The following BACH1 variants were observed in gnomAD, a reference collection of about 807,000 sequenced individuals.
The protein encoded by BACH1 is transcription regulator protein BACH1.
In BACH1, 35 loss-of-function variants were observed where a neutral mutation model predicts 52.9. That is an observed-to-expected ratio of 0.66 (90% CI 0.51 to 0.88). The LOEUF (loss-of-function observed/expected upper bound fraction) is 0.88. BACH1 is among the 40% of genes least tolerant of loss of function. The probability of loss-of-function intolerance (pLI) is 0.00; values close to 1 mark genes in which losing one functional copy is unlikely to be tolerated. For missense variants in BACH1, 808 were observed against 872.6 expected, an observed-to-expected ratio of 0.93 and a Z score of 0.93; for synonymous variants, 321 against 319.6, an observed-to-expected ratio of 1.00 and a Z score of -0.05.
intron 2 of BACH1, among the ~76,000 whole-genome samples, chr21:29,358,792 A>C (rs534175383): frequency 3.8e-5 from 5 of 130,048 alleles, no homozygotes; most frequent in Non-Finnish European, 7.3e-5. Flanking sequence ...GAAAGAAAGA[A>C]AGAAAGAAAG....
intron 2 of BACH1, among the ~76,000 whole-genome samples, chr21:29,353,619 A>T (rs1011487749): frequency 6.6e-6 from 1 of 152,186 alleles, no homozygotes; most frequent in African/African-American, 2.4e-5. Flanking sequence ...TGAAAAGACT[A>T]AGAAGAGTTT....
At position 29,344,328 on chromosome 21, in the gene BACH1, A is replaced by C. The variant is rs1183465728; in HGVS notation, c.*1495A>C. ...AGCCTAGTGCAGGGCTTGTCTAGCT[A>C]ATGTGGGCAGCCACCACCCACTGTG... is the stretch of plus-strand genomic sequence containing the variant. On this transcript the variant is annotated 3_prime_UTR_variant, in exon 5 of 5. Transcript: ENST00000286800. 3 of 152,680 alleles carry C rather than the reference A, an allele frequency of 2.0e-5. No homozygotes were observed. Among genetic ancestry groups the C allele is most frequent in the African/African-American group, 7.2e-5 (3 of 41,464 alleles). 9.5% of individuals were successfully genotyped at this position (152,680 alleles called of 1,614,324 possible).
chr21:29,331,372 AAAT>A (rs1469697200), intron 4 of BACH1, among the ~76,000 whole-genome samples: 1 of 151,936 alleles, frequency 6.6e-6, no homozygotes, highest in Non-Finnish European at 1.5e-5. Context: ...CTAAAAATAA[AAAT>A]AAAAGCGAAA....
At chr21:29,327,432 C>A in intron 3 of BACH1, 39 bp downstream of exon 3, 1 of 1,574,366 alleles carries the variant, frequency 6.4e-7, no homozygotes, top group African/African-American at 1.4e-5. Flanking sequence ...GTTTTAATAA[C>A]CATTAATTGG....
chr21:29,352,861 G>A (rs1034287561), intron 2 of BACH1, among the ~76,000 whole-genome samples: 22 of 151,926 alleles, frequency 1.4e-4, no homozygotes, highest in African/African-American at 4.4e-4. Context: ...ACAGGTGCTC[G>A]CCACCACACC....
intron 1 of BACH1, among the ~76,000 whole-genome samples, chr21:29,308,516 C>A (rs932594734): frequency 6.6e-6 from 1 of 152,102 alleles, no homozygotes; most frequent in African/African-American, 2.4e-5. Flanking sequence ...CACCCTCACC[C>A]CCCTTTTTGA....
chr21:29,351,014 C>T (rs79713106), downstream of BACH1, among the ~76,000 whole-genome samples: 687 of 152,266 alleles, frequency 4.5e-3, 5 homozygotes, highest in African/African-American at 0.016. Flanking sequence ...TCCTCTTCCT[C>T]ATCTTATTCT....
At chr21:29,303,082 C>G (rs923112936) in intron 1 of BACH1, among the ~76,000 whole-genome samples, 4 of 152,194 alleles carry the variant, frequency 2.6e-5, no homozygotes, top group Non-Finnish European at 2.9e-5. Flanking sequence ...CAGAACAGAA[C>G]TAGTTTCTCA....
chr21:29,361,320 G>T (rs533355257), intron 2 of BACH1: 1 of 152,126 alleles, frequency 6.6e-6, no homozygotes, highest in African/African-American at 2.4e-5. Flanking sequence ...TTGGGTTAAG[G>T]CTTGCAGCTG....
chr21:29,358,730 ACT>A (rs1433507828), intron 2 of BACH1, among the ~76,000 whole-genome samples: 1 of 149,892 alleles, frequency 6.7e-6, no homozygotes, highest in African/African-American at 2.5e-5. Context: ...ACAGAGTGAG[ACT>A]CTGTCTCAGA....
At chr21:29,317,593 A>T (rs2088802538) in intron 1 of BACH1, among the ~76,000 whole-genome samples, 1 of 152,172 alleles carries the variant, frequency 6.6e-6, no homozygotes, top group Non-Finnish European at 1.5e-5. Context: ...GGATTAATGG[A>T]TGGAAAACCC....
intron 4 of BACH1, among the ~76,000 whole-genome samples, chr21:29,335,445 G>T (rs538554814): frequency 6.6e-6 from 1 of 152,130 alleles, no homozygotes; most frequent in Non-Finnish European, 1.5e-5. Context: ...CTTGGTACCA[G>T]GATGTCAGAA....
intron 1 of BACH1, among the ~76,000 whole-genome samples, chr21:29,304,801 C>G (rs868673195): frequency 6.6e-6 from 1 of 152,216 alleles, no homozygotes; most frequent in Non-Finnish European, 1.5e-5. Context: ...TTCCTCTTTA[C>G]TGATATCTTC....
At chr21:29,301,773 T>G (rs941181705) in intron 1 of BACH1, among the ~76,000 whole-genome samples, 1 of 152,152 alleles carries the variant, frequency 6.6e-6, no homozygotes, top group Non-Finnish European at 1.5e-5. Flanking sequence ...CTCCTTGAAG[T>G]CTGTTTTTTT....
downstream of BACH1, among the ~76,000 whole-genome samples, chr21:29,350,994 C>G (rs2089198920): frequency 6.6e-6 from 1 of 152,184 alleles, no homozygotes. Flanking sequence ...TAACTGCAAA[C>G]ACTTCTTTTT....
intron 2 of BACH1, among the ~76,000 whole-genome samples, chr21:29,356,389 C>G (rs796752697): frequency 3.1e-4 from 47 of 152,340 alleles, no homozygotes; most frequent in African/African-American, 1.1e-3. Flanking sequence ...TAGATGGCTC[C>G]TTCCTGATAC....
downstream of BACH1, among the ~76,000 whole-genome samples, chr21:29,348,408 C>T (rs1031943884): frequency 3.9e-5 from 6 of 152,092 alleles, no homozygotes; most frequent in African/African-American, 1.4e-4. Context: ...CAACACTGCT[C>T]CCACAGCTCA....
intron 1 of BACH1, among the ~76,000 whole-genome samples, chr21:29,308,005 A>G (rs959376727): frequency 1.3e-5 from 2 of 152,214 alleles, no homozygotes; most frequent in Non-Finnish European, 2.9e-5. Context: ...TTTGGATAGA[A>G]TTTAGAAAGA....
At chr21:29,308,817 C>G (rs2088687644) in intron 1 of BACH1, among the ~76,000 whole-genome samples, 1 of 152,198 alleles carries the variant, frequency 6.6e-6, no homozygotes, top group Non-Finnish European at 1.5e-5. Flanking sequence ...TAGTGAAATA[C>G]TTCCTAGTGT....
Sources: gnomAD v4.1 joint callset for allele counts (sites outside exome capture counted in the v4.1 genomes callset) on GRCh38, gnomAD v4.1.1 for gene constraint, MANE v1.5 for transcripts, NCBI Gene and HGNC (gene_info 2026-07-23, HGNC 2026-07-21) for gene names.